The following SPATA19 variants were observed in gnomAD, a reference collection of about 807,000 sequenced individuals.
The protein encoded by SPATA19 is spermatogenesis-associated protein 19, mitochondrial.
In SPATA19, 19 loss-of-function variants were observed where a neutral mutation model predicts 25.0. The observed-to-expected ratio is 0.76, with a 90% CI of 0.53 to 1.11. SPATA19 has a LOEUF of 1.11. SPATA19 is among the 50% of genes most tolerant of loss of function. The probability of loss-of-function intolerance (pLI) is 0.00; values close to 1 mark genes in which losing one functional copy is unlikely to be tolerated. For missense variants in SPATA19, 222 were observed against 211.4 expected (o/e 1.05, Z -0.31); for synonymous variants, 64 against 69.3 (o/e 0.92, Z 0.38).
intron 2 of SPATA19, 73 bp from the exon 3 acceptor site, chr11:133,844,713 CCTTTT>C: frequency 6.7e-7 from 1 of 1,499,390 alleles, no homozygotes. Context: ...CTCTTCCTTT[CCTTTT>C]ATTCATTCTC....
chr11:133,836,731 T>C (rs962032384), downstream of SPATA19, among the ~76,000 whole-genome samples: 3 of 152,192 alleles, frequency 2.0e-5, no homozygotes, highest in South Asian at 6.2e-4. Context: ...AAATTGTGAC[T>C]CACAACTAAT....
intron 4 of SPATA19, 61 bp from the exon 5 acceptor site, chr11:133,842,623 G>A (rs1385473517): frequency 5.4e-6 from 7 of 1,291,274 alleles, no homozygotes; most frequent in Admixed American, 3.4e-5. Context: ...AACAGGCATA[G>A]AGAGCTGCTA....
downstream of SPATA19, among the ~76,000 whole-genome samples, chr11:133,840,275 C>T (rs748233651): frequency 6.6e-6 from 1 of 152,148 alleles, no homozygotes; most frequent in Non-Finnish European, 1.5e-5. Flanking sequence ...ACTAGTACAG[C>T]TACCTTGCAA....
downstream of SPATA19, among the ~76,000 whole-genome samples, chr11:133,836,989 C>T (rs1301490595): frequency 3.3e-5 from 5 of 152,146 alleles, no homozygotes; most frequent in Non-Finnish European, 7.3e-5. Context: ...TATGCCAAAG[C>T]CTGCTTGGCT....
intron 6 of SPATA19, 121 bp from the exon 7 acceptor site, chr11:133,841,044 C>T (rs1191091945): frequency 2.6e-5 from 4 of 152,210 alleles, no homozygotes; most frequent in East Asian, 1.9e-4. Flanking sequence ...CCAGCACTTC[C>T]TGTTCTTCTC....
rs1001428472 is a variant in SPATA19 at position 133,842,222 on chromosome 11, C to A, written c.438-117G>T. 33 of 1,044,550 alleles carry A rather than the reference C, an allele frequency of 3.2e-5. No homozygotes were observed. The Admixed American group carries it at 4.2e-4, about 13-fold the overall frequency. The allele number at this position is 1,044,550 out of a possible 1,614,324, so 64.7% of individuals were successfully genotyped here. On this transcript the variant is annotated intron_variant, in intron 5 of 6. Transcript: ENST00000299140. ...GCAGGCCGTGCCTAGGCCGTGGCCA[C>A]ACTGGGCCTGGGAGCACAGTCATAT...
intron 4 of SPATA19, among the ~76,000 whole-genome samples, chr11:133,842,907 C>CT (rs1219868410): frequency 3.3e-5 from 5 of 152,162 alleles, no homozygotes; most frequent in Admixed American, 1.3e-4. Context: ...ATCATCAGCT[C>CT]TTGATGACCT....
In SPATA19 at chr11:133,844,313, C is replaced by A. The variant is rs950237364; in HGVS notation, c.292G>T (p.Asp98Tyr). The change falls in exon 4 of 7, where the codon GAT becomes TAT. Residue 98 changes from aspartate to tyrosine, a missense_variant. Transcript: ENST00000299140. ...TCTTGGCTCTGGTTTGCCAACAAAT[C>A]AGACTTAGAGAGGTGGTGCTTCACC... ...DVVKHHLSKS[D>Y]LLANQSQEVL... is the part of the protein sequence containing the mutation. The A allele has an allele frequency of 1.9e-6, 3 of 1,614,052 alleles. No homozygotes were observed. The highest frequency in any genetic ancestry group is 2.7e-5 in the African/African-American group (2 of 74,924).
downstream of SPATA19, among the ~76,000 whole-genome samples, chr11:133,838,251 G>A (rs1210103857): frequency 6.6e-6 from 1 of 152,082 alleles, no homozygotes; most frequent in Non-Finnish European, 1.5e-5. Context: ...AGAACAGATG[G>A]GTAATGTAAA....
Position 133,840,648 on chromosome 11 carries a change from T to C in SPATA19, c.*285A>G, listed in dbSNP as rs1279827830. 2 of 152,152 alleles carry C rather than the reference T, an allele frequency of 1.3e-5. No individual in the cohort carries two copies. The highest frequency in any genetic ancestry group is 4.8e-5 in the African/African-American group (2 of 41,398). 9.4% of individuals were successfully genotyped at this position (152,152 alleles called of 1,614,324 possible). On this transcript the variant is annotated 3_prime_UTR_variant, in exon 7 of 7. Transcript: ENST00000299140. ...ACAGGGCGGGTTGTTAAACAGCACA[T>C]CTCTTTATTCGCAGTTCAGCAAGAA...
chr11:133,842,201 G>A, intron 5 of SPATA19, 96 bp from the exon 6 acceptor site: 1 of 1,275,330 alleles, frequency 7.8e-7, no homozygotes, highest in Non-Finnish European at 1.1e-6. Flanking sequence ...GGGAGGGCAG[G>A]CCGTGCCTAG....
downstream of SPATA19, among the ~76,000 whole-genome samples, chr11:133,837,538 C>T (rs553111839): frequency 2.0e-5 from 3 of 151,948 alleles, no homozygotes; most frequent in Non-Finnish European, 2.9e-5. Flanking sequence ...ATGTCCAGAG[C>T]ATTCTGTTCT....
At chr11:133,839,245 G>A (rs1005946608), downstream of SPATA19, among the ~76,000 whole-genome samples, 216 of 152,150 alleles carry the variant, frequency 1.4e-3, 1 homozygote, top group African/African-American at 4.4e-3. Flanking sequence ...TGTTTATTGC[G>A]GCACTATTCA....
At chr11:133,837,448 C>A (rs558753609), downstream of SPATA19, among the ~76,000 whole-genome samples, 19 of 152,362 alleles carry the variant, frequency 1.2e-4, no homozygotes, top group Non-Finnish European at 2.2e-4. Context: ...GGGATCCCCA[C>A]ACTTTCATGA....
Position 133,844,497 on chromosome 11 carries a change from A to T in SPATA19, c.267+12T>A. 1 of 1,613,754 alleles carries T rather than the reference A, an allele frequency of 6.2e-7. No homozygotes were observed. The highest frequency in any genetic ancestry group is 8.5e-7 in the Non-Finnish European group (1 of 1,179,912). On this transcript the variant is annotated intron_variant, in intron 3 of 6. Coordinates refer to ENST00000299140, the MANE Select transcript of SPATA19 (RefSeq NM_174927.3). ...CCGCTACTCCCAGGCAAGGTCTCAAACTCTCATTTACCACATCTCTGGTCA... is the reference window on the plus strand; with the variant it reads ...CCGCTACTCCCAGGCAAGGTCTCAATCTCTCATTTACCACATCTCTGGTCA...
At chr11:133,837,571 A>G (rs749397602), downstream of SPATA19, among the ~76,000 whole-genome samples, 20 of 152,200 alleles carry the variant, frequency 1.3e-4, no homozygotes, top group Non-Finnish European at 2.5e-4. Context: ...CCCACCCTCA[A>G]GGGAAACTAT....
chr11:133,840,365 G>A (rs1452405213), downstream of SPATA19, among the ~76,000 whole-genome samples: 2 of 152,160 alleles, frequency 1.3e-5, no homozygotes, highest in Non-Finnish European at 2.9e-5. Context: ...AAGGAAGAGA[G>A]CTAGAGAAGG....
At chr11:133,835,970 C>G (rs79778873), downstream of SPATA19, among the ~76,000 whole-genome samples, 90 of 152,300 alleles carry the variant, frequency 5.9e-4, no homozygotes, top group East Asian at 0.017. Flanking sequence ...TCTCTGCCGC[C>G]GTCCTTTGGC....
downstream of SPATA19, among the ~76,000 whole-genome samples, chr11:133,839,562 G>A (rs978445651): frequency 6.6e-6 from 1 of 151,828 alleles, no homozygotes; most frequent in South Asian, 2.1e-4. Context: ...GATAGCATTA[G>A]GAGATATACT....
Sources: allele counts gnomAD v4.1 joint callset (sites outside exome capture counted in the v4.1 genomes callset), GRCh38; gene constraint gnomAD v4.1.1; transcripts MANE v1.5; gene names NCBI Gene and HGNC (gene_info 2026-07-23, HGNC 2026-07-21).